Variants in TBX4 observed in about 807,000 individuals in gnomAD.
TBX4 encodes T-box transcription factor 4, also known as T-box transcription factor TBX4.
Under a neutral mutation model 54.6 loss-of-function variants are expected in TBX4, and 13 were observed. The ratio of observed to expected loss-of-function variants is 0.24; its 90% CI spans 0.15 to 0.38. The LOEUF (loss-of-function observed/expected upper bound fraction) is 0.38, where lower values mean the gene tolerates loss of function less well. Among genes scored for constraint, TBX4 ranks in the 10% least tolerant of loss-of-function variants. The pLI is 1.00. For synonymous variants in TBX4, 314 were observed against 306.7 expected (o/e 1.02, Z -0.25); for missense variants, 631 against 728.5 (o/e 0.87, Z 1.54).
chr17:61,477,430 G>C (rs772890384), intron 5 of TBX4, among the ~76,000 whole-genome samples: 2 of 152,204 alleles, frequency 1.3e-5, no homozygotes, highest in Admixed American at 6.5e-5. Flanking sequence ...GCGGCAACCC[G>C]CCTCCCCCAG....
At position 61,472,173 on chromosome 17, in the gene TBX4, G is replaced by A. The variant is rs1279207532; in HGVS notation, c.549+4516G>A. On this transcript the variant is annotated intron_variant, in intron 5 of 8. Coordinates refer to ENST00000644296, the MANE Select transcript of TBX4 (RefSeq NM_001321120.2). The surrounding 1 kb of genome is among the most constrained non-coding windows in gnomAD (Gnocchi z 4.5). ...TTGTACATATGCCATTTTATGCTGT[G>A]CCAAGTATATCTGTGAGATAAATGG... is the stretch of plus-strand genomic sequence containing the variant. Among the ~76,000 whole-genome samples, 1 of 152,166 alleles carries A rather than the reference G, an allele frequency of 6.6e-6. No homozygotes were observed. Among genetic ancestry groups the A allele is most frequent in the Non-Finnish European group, 1.5e-5 (1 of 68,040 alleles).
chr17:61,479,195 C>T lies in TBX4; in HGVS notation c.702+416C>T, dbSNP rs2060644903. 6.6e-6 allele frequency among the ~76,000 whole-genome samples: 1 copy of T among 152,134 alleles called. No homozygotes were observed. Among genetic ancestry groups the T allele is most frequent in the South Asian group, 2.1e-4 (1 of 4,822 alleles). The stretch of plus-strand genomic sequence containing the variant: ...GGTGCTGTCAGCTGGGGTGTGGAAG[C>T]AGAGCCTGAGCGGAGGCCCTTCCCA... On this transcript the variant is annotated intron_variant, in intron 6 of 8. Transcript: ENST00000644296. This position sits in a 1 kb window ranked among gnomAD's most constrained non-coding sequence, Gnocchi z 6.1.
rs964329532 is a variant in TBX4, at chr17:61,474,374, C to T, written c.550-4253C>T. On this transcript the variant is annotated intron_variant, in intron 5 of 8. Coordinates refer to ENST00000644296, the MANE Select transcript of TBX4 (RefSeq NM_001321120.2). The surrounding 1 kb of genome is among the most constrained non-coding windows in gnomAD (Gnocchi z 4.6). The stretch of plus-strand genomic sequence containing the variant: ...TCTCACAGGCCATCTGGATCCTGCT[C>T]CAGACTGTGTCTCCAACCAGCTGTG... 2.6e-5 allele frequency among the ~76,000 whole-genome samples: 4 copies of T among 152,158 alleles called. No individual in the cohort carries two copies. The highest frequency in any genetic ancestry group is 4.4e-5 in the Non-Finnish European group (3 of 68,042).
At chr17:61,466,159 G>GC (rs1648547570) in intron 4 of TBX4, among the ~76,000 whole-genome samples, 1 of 152,164 alleles carries the variant, frequency 6.6e-6, no homozygotes, top group South Asian at 2.1e-4. Context: ...AAAAGCAGCT[G>GC]CGTGTTTGGG....
At position 61,456,693 on chromosome 17, in the gene TBX4, C is replaced by G. The variant is rs2060453276; in HGVS notation, c.186+17C>G. 2 of 1,376,418 alleles carry G rather than the reference C, an allele frequency of 1.5e-6. No individual in the cohort carries two copies. The highest frequency in any genetic ancestry group is 1.9e-6 in the Non-Finnish European group (2 of 1,062,956). The allele number at this position is 1,376,418 out of a possible 1,614,324, so 85.3% of individuals were successfully genotyped here. On this transcript the variant is annotated intron_variant, in intron 2 of 8. Coordinates refer to ENST00000644296, the MANE Select transcript of TBX4 (RefSeq NM_001321120.2). ...GCGGAGCAGGTAGGGCTGCGCCAGC[C>G]GTCGGGTAGAAGTCGGGCGTCGGTC...
Position 61,483,495 on chromosome 17 carries a change from G to A in TBX4, c.1620G>A (p.Val540=). ...AGTACCATTCAGGAATGGGGACTGT[G>A]GAGAACTGGACTGACGGATGACTCT... The part of the protein sequence containing the change: ...SLQYHSGMGT[V]ENWTDG The change falls in exon 9 of 9, where the codon GTG becomes GTA. Residue 540 remains valine, a synonymous_variant. Coordinates refer to ENST00000644296, the MANE Select transcript of TBX4 (RefSeq NM_001321120.2). The surrounding 1 kb of genome is among the most constrained non-coding windows in gnomAD (Gnocchi z 6.6). 1 of 1,614,162 alleles carries A rather than the reference G, an allele frequency of 6.2e-7. No individual in the cohort carries two copies.
chr17:61,468,998 C>T (rs187923212), intron 5 of TBX4, among the ~76,000 whole-genome samples: 153 of 152,246 alleles, frequency 1.0e-3, no homozygotes, highest in African/African-American at 3.5e-3. Flanking sequence ...GGAACCTGGC[C>T]CACGACGGCA....
At chr17:61,455,434 C>T (rs1330605064) in intron 1 of TBX4, among the ~76,000 whole-genome samples, 6 of 152,232 alleles carry the variant, frequency 3.9e-5, no homozygotes, top group African/African-American at 1.4e-4. Flanking sequence ...AAAGGGGAAG[C>T]GGAGCAAGCG....
chr17:61,473,152 G>A (rs1293316102), intron 5 of TBX4, among the ~76,000 whole-genome samples: 1 of 152,188 alleles, frequency 6.6e-6, no homozygotes, highest in African/African-American at 2.4e-5. Flanking sequence ...TTTGCTGAGG[G>A]TTTTCTGGTT....
At chr17:61,466,097 G>A (rs867921330) in intron 4 of TBX4, among the ~76,000 whole-genome samples, 159 bp downstream of exon 4, 3 of 152,204 alleles carry the variant, frequency 2.0e-5, no homozygotes, top group African/African-American at 2.4e-5. Context: ...GGAGGCTGAG[G>A]TGGTCAGCGA....
chr17:61,472,698 T>C lies in TBX4; in HGVS notation c.549+5041T>C, dbSNP rs542069503. ...ACCCCCCTCCTTACTTATAAGGGACTTTTCTTTTAGTATTTTATGGATTTA... is the reference window on the plus strand; with the variant it reads ...ACCCCCCTCCTTACTTATAAGGGACCTTTCTTTTAGTATTTTATGGATTTA... On this transcript the variant is annotated intron_variant, in intron 5 of 8. Coordinates refer to ENST00000644296, the MANE Select transcript of TBX4 (RefSeq NM_001321120.2). The surrounding 1 kb of genome is among the most constrained non-coding windows in gnomAD (Gnocchi z 4.5). Among the ~76,000 whole-genome samples, 4 of 152,314 alleles carry C rather than the reference T, an allele frequency of 2.6e-5. No homozygotes were observed. The South Asian group carries it at 8.3e-4, about 32-fold the overall frequency.
intron 1 of TBX4, among the ~76,000 whole-genome samples, chr17:61,455,624 C>G (rs1023717708): frequency 6.6e-6 from 1 of 152,226 alleles, no homozygotes; most frequent in Non-Finnish European, 1.5e-5. Context: ...ATGGGCCCAG[C>G]CTGCTGGCCT....
rs1230370273 is a variant in TBX4, at chr17:61,465,873, G to C, written c.336G>C (p.Lys112Asn). 1 of 1,614,144 alleles carries C rather than the reference G, an allele frequency of 6.2e-7. No homozygotes were observed. The highest frequency in any genetic ancestry group is 1.1e-5 in the South Asian group (1 of 91,080). Residue 112 changes from lysine (K) to asparagine (N), a missense_variant, in exon 4 of 9, where the codon AAG (lysine) becomes AAC (asparagine). This residue lies in a region of TBX4 where 154 missense variants were observed against 238.6 expected (regional missense o/e 0.65). Transcript: ENST00000644296. This position sits in a 1 kb window ranked among gnomAD's most constrained non-coding sequence, Gnocchi z 4.9. ...VKVTGMNPKT[K>N]YILLIDIVPA... ...TCACAGGCATGAACCCCAAGACCAA[G>C]TATATCCTGCTGATTGACATTGTCC... is the stretch of plus-strand genomic sequence containing the variant.
chr17:61,465,909 C>A lies in TBX4; in HGVS notation c.372C>A (p.Asp124Glu). The A allele has an allele frequency of 6.2e-7, 1 of 1,614,146 alleles. No homozygotes were observed. The highest frequency in any genetic ancestry group is 8.5e-7 in the Non-Finnish European group (1 of 1,180,008). Residue 124 changes from aspartate to glutamate, a missense_variant, in exon 4 of 9, where the codon GAC becomes GAA. Coordinates refer to ENST00000644296, the MANE Select transcript of TBX4 (RefSeq NM_001321120.2). The surrounding 1 kb of genome is among the most constrained non-coding windows in gnomAD (Gnocchi z 4.9). ...ILLIDIVPAD[D>E]HRYKFCDNKW... ...TGATTGACATTGTCCCTGCCGATGA[C>A]CATCGCTACAAGTTCTGTGACAACA...
rs193204039 is a variant in TBX4 at position 61,480,160 on chromosome 17, C to G, written c.862C>G (p.Pro288Ala). ...CATCTCCCCCCAGCTCTCAGCCACA[C>G]CGGACGTGGGCCCCCTGCTCGGCAC... ...RLISPQLSAT[P>A]DVGPLLGTHQ... Residue 288 changes from proline to alanine, a missense_variant, in exon 8 of 9, where the codon CCG (proline) becomes GCG (alanine). Coordinates refer to ENST00000644296, the MANE Select transcript of TBX4 (RefSeq NM_001321120.2). This position sits in a 1 kb window ranked among gnomAD's most constrained non-coding sequence, Gnocchi z 6.2. The G allele has an allele frequency of 7.1e-5, 114 of 1,614,192 alleles. No homozygotes were observed. The African/African-American group carries it at 1.3e-3, about 18-fold the overall frequency.
rs146596575 is a variant in TBX4 at position 61,457,092 on chromosome 17, C to T, written c.186+416C>T. On this transcript the variant is annotated intron_variant, in intron 2 of 8. Transcript: ENST00000644296. The surrounding 1 kb of genome is among the most constrained non-coding windows in gnomAD (Gnocchi z 8.2). ...CGGGGATCCGAGGCCTCTGGGACGT[C>T]GCCGAGGGCTTCACAGTGATAATCG... Among the ~76,000 whole-genome samples the T allele has an allele frequency of 6.6e-6, 1 of 152,268 alleles. No homozygotes were observed. Among genetic ancestry groups the T allele is most frequent in the East Asian group, 1.9e-4 (1 of 5,148 alleles).
In TBX4 at chr17:61,460,312, G is replaced by C. The variant is rs1020852612; in HGVS notation, c.281+2681G>C. 1.3e-5 allele frequency: 2 copies of C among 152,282 alleles called. No homozygotes were observed. Among genetic ancestry groups the C allele is most frequent in the Non-Finnish European group, 2.9e-5 (2 of 68,084 alleles). The allele number at this position is 152,282 out of a possible 1,614,324, so 9.4% of individuals were successfully genotyped here. A position where few individuals can be genotyped will look rare whatever the true frequency, so the allele number is the denominator to read the frequency against. On this transcript the variant is annotated intron_variant, in intron 3 of 8. Coordinates refer to ENST00000644296, the MANE Select transcript of TBX4 (RefSeq NM_001321120.2). This position sits in a 1 kb window ranked among gnomAD's most constrained non-coding sequence, Gnocchi z 4.4. ...CGATAACTGCCATCTGGCTGGGTAG[G>C]AGCAGGCCCTGGAAAAGGGGAGCCA...
Position 61,474,044 on chromosome 17 carries a change from G to A in TBX4, c.550-4583G>A, listed in dbSNP as rs1186535138. ...TTGGATGCACCTCTTATCATCCGGGGTCTCAGTTTTCTTTCTTTCCTTCTT... is the reference window on the plus strand; with the variant it reads ...TTGGATGCACCTCTTATCATCCGGGATCTCAGTTTTCTTTCTTTCCTTCTT... On this transcript the variant is annotated intron_variant, in intron 5 of 8. Transcript: ENST00000644296. This position sits in a 1 kb window ranked among gnomAD's most constrained non-coding sequence, Gnocchi z 4.6. 6.6e-6 allele frequency among the ~76,000 whole-genome samples: 1 copy of A among 152,176 alleles called. No homozygotes were observed.
In TBX4 at chr17:61,476,995, C is replaced by G. The variant is rs747181788; in HGVS notation, c.550-1632C>G. Among the ~76,000 whole-genome samples the G allele has an allele frequency of 7.9e-5, 12 of 152,242 alleles. No homozygotes were observed. Among genetic ancestry groups the G allele is most frequent in the Non-Finnish European group, 8.8e-5 (6 of 68,052 alleles). ...AAAAGAGCCTGACTCTGGCCTTTCT[C>G]TTGGCACTCTGGTCACTAACAGGTT... On this transcript the variant is annotated intron_variant, in intron 5 of 8. Coordinates refer to ENST00000644296, the MANE Select transcript of TBX4 (RefSeq NM_001321120.2). The surrounding 1 kb of genome is among the most constrained non-coding windows in gnomAD (Gnocchi z 6.5).
Sources: allele counts gnomAD v4.1 joint callset (sites outside exome capture counted in the v4.1 genomes callset), GRCh38; gene constraint gnomAD v4.1.1; regional missense constraint gnomAD v4.1.1; non-coding constraint Gnocchi (gnomAD v3.1); transcripts MANE v1.5; gene names NCBI Gene and HGNC (gene_info 2026-07-23, HGNC 2026-07-21).